The following SLC6A6 variants were observed in gnomAD, a reference collection of about 807,000 sequenced individuals.
The protein encoded by SLC6A6 is sodium- and chloride-dependent taurine transporter.
SLC6A6 carries 16 observed loss-of-function variants against 68.8 expected under a neutral mutation model. That is an observed-to-expected ratio of 0.23 (90% CI 0.16 to 0.35). The LOEUF (loss-of-function observed/expected upper bound fraction) is 0.35, where lower values mean the gene tolerates loss of function less well. Among genes scored for constraint, SLC6A6 ranks in the 10% least tolerant of loss-of-function variants. The pLI, the probability that SLC6A6 is intolerant of heterozygous loss-of-function variation, is 1.00. For synonymous variants in SLC6A6, 312 were observed against 315.4 expected (o/e 0.99, Z 0.12); for missense variants, 474 against 802.8 (o/e 0.59, Z 4.95).
chr3:14,433,371 G>A (rs1699774311), intron 2 of SLC6A6, among the ~76,000 whole-genome samples: 1 of 152,190 alleles, frequency 6.6e-6, no homozygotes, highest in Admixed American at 6.5e-5. Flanking sequence ...CAAGGATGTT[G>A]TGTTTGTGCC....
intron 2 of SLC6A6, among the ~76,000 whole-genome samples, chr3:14,430,897 T>G (rs1415340948): frequency 6.6e-6 from 1 of 152,140 alleles, no homozygotes; most frequent in East Asian, 1.9e-4. Context: ...ACTGATCTGC[T>G]ATGTGGCCTG....
At chr3:14,432,467 G>T (rs1699747476) in intron 2 of SLC6A6, among the ~76,000 whole-genome samples, 1 of 152,200 alleles carries the variant, frequency 6.6e-6, no homozygotes. Context: ...CCTTCCGCAG[G>T]CTCCAGGGGC....
In SLC6A6 at chr3:14,489,028, CA is replaced by C. The variant is rs1408873382; in HGVS notation, c.*4022del. ...CCTTCCAGAAATATGTCTGGCTCATCAGGACATTTTTTTAAAACTTCAAAAT... is the reference window on the plus strand; with the variant it reads ...CCTTCCAGAAATATGTCTGGCTCATCGGACATTTTTTTAAAACTTCAAAAT... On this transcript the variant is annotated 3_prime_UTR_variant, in exon 15 of 15. Coordinates refer to ENST00000622186, the MANE Select transcript of SLC6A6 (RefSeq NM_003043.6). 1 of 152,086 alleles carries C rather than the reference CA, an allele frequency of 6.6e-6. No individual in the cohort carries two copies. The highest frequency in any genetic ancestry group is 2.4e-5 in the African/African-American group (1 of 41,234). 9.4% of individuals were successfully genotyped at this position (152,086 alleles called of 1,614,324 possible). A position where few individuals can be genotyped will look rare whatever the true frequency, so the allele number is the denominator to read the frequency against.
At chr3:14,405,306 A>G (rs1699082289) in intron 1 of SLC6A6, among the ~76,000 whole-genome samples, 2 of 152,122 alleles carry the variant, frequency 1.3e-5, no homozygotes, top group South Asian at 2.1e-4. Flanking sequence ...GCCCTCCACA[A>G]GGCAGTCCGG....
At chr3:14,445,077 T>C (rs906583761) in intron 3 of SLC6A6, among the ~76,000 whole-genome samples, 1 of 152,096 alleles carries the variant, frequency 6.6e-6, no homozygotes, top group African/African-American at 2.4e-5. Context: ...CCGTCCTTGT[T>C]CAGGGGACGG....
intron 5 of SLC6A6, among the ~76,000 whole-genome samples, chr3:14,456,763 C>T (rs1700376290): frequency 6.6e-6 from 1 of 152,294 alleles, no homozygotes. Flanking sequence ...ACTTCACTCC[C>T]TGCCCCTCCT....
chr3:14,466,980 A>G (rs1026376577), intron 7 of SLC6A6, among the ~76,000 whole-genome samples: 8 of 152,330 alleles, frequency 5.3e-5, no homozygotes, highest in Admixed American at 5.2e-4. Context: ...GCTTCTGCCC[A>G]CTGCAGCCAC....
At chr3:14,410,384 G>T (rs1462473024) in intron 1 of SLC6A6, among the ~76,000 whole-genome samples, 1 of 152,120 alleles carries the variant, frequency 6.6e-6, no homozygotes, top group Middle Eastern at 3.2e-3. Flanking sequence ...CTGGAAAGTG[G>T]GTGGGAGGGC....
chr3:14,402,631 C>T lies in SLC6A6; in HGVS notation c.-270C>T. On this transcript the variant is annotated 5_prime_UTR_variant, in exon 1 of 15. Coordinates refer to ENST00000622186, the MANE Select transcript of SLC6A6 (RefSeq NM_003043.6). The surrounding 1 kb of genome is among the most constrained non-coding windows in gnomAD (Gnocchi z 4.8). ...GAGAGCTGCCTGCTCAGACAACAGA[C>T]ACGCGAGGTCAGGAAGAAGCCGCTT... 1 of 397,970 alleles carries T rather than the reference C, an allele frequency of 2.5e-6. No homozygotes were observed. Among genetic ancestry groups the T allele is most frequent in the Non-Finnish European group, 4.4e-6 (1 of 225,670 alleles). 24.7% of individuals were successfully genotyped at this position (397,970 alleles called of 1,614,324 possible). A position where few individuals can be genotyped will look rare whatever the true frequency, so the allele number is the denominator to read the frequency against.
At chr3:14,419,455 T>C (rs999538742) in intron 2 of SLC6A6, among the ~76,000 whole-genome samples, 1 of 152,206 alleles carries the variant, frequency 6.6e-6, no homozygotes, top group Admixed American at 6.5e-5. Flanking sequence ...GAACTATTAA[T>C]GGACCAGCCC....
At chr3:14,440,032 G>A (rs191134999) in intron 2 of SLC6A6, among the ~76,000 whole-genome samples, 1 of 152,326 alleles carries the variant, frequency 6.6e-6, no homozygotes, top group Admixed American at 6.5e-5. Context: ...GGACTGGATA[G>A]TAGTGATAGC....
intron 1 of SLC6A6, among the ~76,000 whole-genome samples, chr3:14,411,665 C>CA (rs1487397046): frequency 6.6e-6 from 1 of 152,202 alleles, no homozygotes; most frequent in Non-Finnish European, 1.5e-5. Flanking sequence ...GCTCAACATA[C>CA]AAATCAAGAG....
intron 7 of SLC6A6, 68 bp downstream of exon 7, chr3:14,466,718 G>A: frequency 7.0e-7 from 1 of 1,422,352 alleles, no homozygotes. Context: ...GACAGGGCAG[G>A]ATGTAGAGGC....
At position 14,488,661 on chromosome 3, in the gene SLC6A6, G is replaced by A. The variant is rs764841934; in HGVS notation, c.*3654G>A. The A allele has an allele frequency of 6.6e-6, 1 of 152,172 alleles. No individual in the cohort carries two copies. The highest frequency in any genetic ancestry group is 2.4e-5 in the African/African-American group (1 of 41,436). 9.4% of individuals were successfully genotyped at this position (152,172 alleles called of 1,614,324 possible). A position where few individuals can be genotyped will look rare whatever the true frequency, so the allele number is the denominator to read the frequency against. On this transcript the variant is annotated 3_prime_UTR_variant, in exon 15 of 15. Coordinates refer to ENST00000622186, the MANE Select transcript of SLC6A6 (RefSeq NM_003043.6). ...GTAAATACCACTGTGTGCAAAAATC[G>A]AAGTACAAAACCACAAGACTAAACA...
chr3:14,434,885 G>C (rs1229230084), intron 2 of SLC6A6, among the ~76,000 whole-genome samples: 1 of 152,148 alleles, frequency 6.6e-6, no homozygotes, highest in Non-Finnish European at 1.5e-5. Flanking sequence ...GCCAGGTCCT[G>C]CCACTTCCAA....
chr3:14,461,931 C>T (rs1700505176), intron 6 of SLC6A6, among the ~76,000 whole-genome samples: 1 of 152,212 alleles, frequency 6.6e-6, no homozygotes, highest in African/African-American at 2.4e-5. Flanking sequence ...GCCCGGCTCC[C>T]CCTGCTGCTC....
chr3:14,434,328 G>A (rs1699801968), intron 2 of SLC6A6, among the ~76,000 whole-genome samples: 1 of 152,204 alleles, frequency 6.6e-6, no homozygotes, highest in South Asian at 2.1e-4. Flanking sequence ...AGTCCTCAGC[G>A]AGCTGCTGTT....
At position 14,481,726 on chromosome 3, in the gene SLC6A6, A is replaced by G; in HGVS notation, c.1607A>G (p.Tyr536Cys). The G allele has an allele frequency of 6.2e-7, 1 of 1,613,600 alleles. No homozygotes were observed. Among genetic ancestry groups the G allele is most frequent in the Non-Finnish European group, 8.5e-7 (1 of 1,179,728 alleles). The part of the protein sequence containing the change: ...KYVPLTYNKT[Y>C]VYPNWAIGLG... ...GTACCCCTGACCTACAACAAAACAT[A>G]CGTGTACCCCAACTGGGCCATTGGG... The change falls in exon 14 of 15, where the codon TAC becomes TGC. Residue 536 changes from tyrosine to cysteine, a missense_variant. Coordinates refer to ENST00000622186, the MANE Select transcript of SLC6A6 (RefSeq NM_003043.6). The surrounding 1 kb of genome is among the most constrained non-coding windows in gnomAD (Gnocchi z 4.7).
chr3:14,438,923 C>G (rs566510052), intron 2 of SLC6A6, among the ~76,000 whole-genome samples: 18 of 152,234 alleles, frequency 1.2e-4, no homozygotes, highest in Non-Finnish European at 2.1e-4. Context: ...TCTCGAGCCT[C>G]TGGGAAGGTT....
Sources: allele counts gnomAD v4.1 joint callset (sites outside exome capture counted in the v4.1 genomes callset), GRCh38; gene constraint gnomAD v4.1.1; non-coding constraint Gnocchi (gnomAD v3.1); transcripts MANE v1.5; gene names NCBI Gene and HGNC (gene_info 2026-07-23, HGNC 2026-07-21).